Variants in SLC39A12 observed in about 807,000 individuals in gnomAD.
SLC39A12 encodes solute carrier family 39 member 12.
In SLC39A12, 63 loss-of-function variants were observed where a neutral mutation model predicts 71.1. The ratio of observed to expected loss-of-function variants is 0.89; its 90% CI spans 0.72 to 1.09. SLC39A12 has a LOEUF of 1.09. Among genes scored for constraint, SLC39A12 ranks in the 50% least tolerant of loss-of-function variants. The pLI is 0.00. For synonymous variants in SLC39A12, 351 were observed against 301.3 expected, an observed-to-expected ratio of 1.16 and a Z score of -1.71; for missense variants, 892 against 812.6, an observed-to-expected ratio of 1.10 and a Z score of -1.19.
intron 2 of SLC39A12, among the ~76,000 whole-genome samples, chr10:17,955,079 A>G (rs491995): frequency 0.65 from 99,577 of 152,064 alleles, 33,088 homozygotes; most frequent in East Asian, 0.77. Flanking sequence ...ATGTCCTCTG[A>G]GGATTCGCTT....
At chr10:17,968,199 A>G (rs1039661189) in intron 4 of SLC39A12, among the ~76,000 whole-genome samples, 11 of 151,308 alleles carry the variant, frequency 7.3e-5, no homozygotes, top group African/African-American at 1.2e-4. Flanking sequence ...AGTTTTGACT[A>G]TTTATTTCCA....
intron 4 of SLC39A12, among the ~76,000 whole-genome samples, chr10:17,972,616 C>T (rs1763860208): frequency 6.6e-6 from 1 of 152,032 alleles, no homozygotes; most frequent in Non-Finnish European, 1.5e-5. Context: ...CAGTCTTTGT[C>T]TTGAAATCTA....
intron 4 of SLC39A12, among the ~76,000 whole-genome samples, chr10:17,970,440 TTGG>T (rs1204545625): frequency 6.6e-6 from 1 of 152,188 alleles, no homozygotes; most frequent in African/African-American, 2.4e-5. Context: ...TTCCATTTTC[TTGG>T]TGTCTTCTTC....
chr10:18,016,803 A>G (rs944706315), intron 12 of SLC39A12, among the ~76,000 whole-genome samples: 3 of 152,216 alleles, frequency 2.0e-5, no homozygotes, highest in African/African-American at 4.8e-5. Flanking sequence ...ATAAAATGCT[A>G]AGCATCTTTT....
intron 6 of SLC39A12, among the ~76,000 whole-genome samples, chr10:17,985,787 A>G (rs1835382982): frequency 6.6e-6 from 1 of 151,470 alleles, no homozygotes; most frequent in Non-Finnish European, 1.5e-5. Flanking sequence ...TTCTCCCTTC[A>G]TATATATATA....
intron 10 of SLC39A12, among the ~76,000 whole-genome samples, chr10:17,997,307 A>G (rs1279330376): frequency 1.3e-5 from 2 of 152,206 alleles, no homozygotes; most frequent in Non-Finnish European, 2.9e-5. Context: ...CACCATTATA[A>G]CAACTACTGT....
intron 12 of SLC39A12, among the ~76,000 whole-genome samples, chr10:18,025,383 C>G (rs1272561431): frequency 6.6e-6 from 1 of 152,122 alleles, no homozygotes; most frequent in African/African-American, 2.4e-5. Flanking sequence ...TCCCTCCTCC[C>G]TCCCCCCACC....
At chr10:17,976,394 G>T (rs915977346) in intron 4 of SLC39A12, among the ~76,000 whole-genome samples, 2 of 152,140 alleles carry the variant, frequency 1.3e-5, no homozygotes, top group East Asian at 1.9e-4. Flanking sequence ...CTGCTTTCAA[G>T]ATTTTATCTT....
At chr10:17,995,846 T>G (rs1163574970) in intron 10 of SLC39A12, 124 bp downstream of exon 10, 5 of 755,888 alleles carry the variant, frequency 6.6e-6, no homozygotes, top group Non-Finnish European at 1.0e-5. Context: ...ATGAAAAACT[T>G]TGCAATAGGA....
chr10:18,042,056 G>T (rs1007395997), intron 12 of SLC39A12, among the ~76,000 whole-genome samples: 1 of 151,730 alleles, frequency 6.6e-6, no homozygotes, highest in Non-Finnish European at 1.5e-5. Flanking sequence ...TGTGCATATA[G>T]TAGTTCTATA....
chr10:17,994,554 T>G (rs540368228), intron 9 of SLC39A12, among the ~76,000 whole-genome samples: 1 of 152,354 alleles, frequency 6.6e-6, no homozygotes, highest in African/African-American at 2.4e-5. Flanking sequence ...ATCTGAATTC[T>G]GTATTTTCAC....
At chr10:17,983,133 C>T (rs1291840249) in intron 6 of SLC39A12, among the ~76,000 whole-genome samples, 1 of 143,030 alleles carries the variant, frequency 7.0e-6, no homozygotes, top group Non-Finnish European at 1.5e-5. Context: ...AGCACCACTG[C>T]ACTCCAGCCT....
At chr10:17,976,682 C>T (rs1178842252) in intron 4 of SLC39A12, among the ~76,000 whole-genome samples, 2 of 152,154 alleles carry the variant, frequency 1.3e-5, no homozygotes, top group Non-Finnish European at 2.9e-5. Context: ...GCCTTGGCCT[C>T]CCAAAGAGCT....
rs1479362606 is a variant in SLC39A12, at chr10:18,018,082, A to C, written c.1947+14724A>C. ...TTGTCAGAATTTTGTAGTTTTCCTC[A>C]TGTACGTCTTGTGCACATTTTGTTA... On this transcript the variant is annotated intron_variant, in intron 12 of 12. Coordinates refer to ENST00000377369, the MANE Select transcript of SLC39A12 (RefSeq NM_001145195.2). 2.6e-5 allele frequency among the ~76,000 whole-genome samples: 4 copies of C among 152,160 alleles called. No individual in the cohort carries two copies. The East Asian group carries it at 7.7e-4, about 29-fold the overall frequency.
intron 12 of SLC39A12, among the ~76,000 whole-genome samples, chr10:18,027,806 C>T (rs1034803581): frequency 6.6e-6 from 1 of 152,166 alleles, no homozygotes; most frequent in African/African-American, 2.4e-5. Context: ...GGCAATTGCT[C>T]ATTTGTAAGC....
chr10:17,989,656 C>T (rs181127963), intron 7 of SLC39A12, among the ~76,000 whole-genome samples: 197 of 152,170 alleles, frequency 1.3e-3, no homozygotes, highest in African/African-American at 4.5e-3. Flanking sequence ...CAGTGGTTCA[C>T]GCCTGTAATC....
chr10:17,990,117 T>C (rs763914172), intron 7 of SLC39A12, among the ~76,000 whole-genome samples: 7 of 152,196 alleles, frequency 4.6e-5, no homozygotes, highest in Non-Finnish European at 1.0e-4. Context: ...TTTTGAGATC[T>C]GGGGTTTTTC....
intron 12 of SLC39A12, among the ~76,000 whole-genome samples, chr10:18,031,012 G>A (rs1419180172): frequency 1.3e-5 from 2 of 151,502 alleles, no homozygotes; most frequent in East Asian, 3.9e-4. Context: ...ATTCCATGGT[G>A]TATATGTGCC....
intron 12 of SLC39A12, among the ~76,000 whole-genome samples, chr10:18,009,188 A>G (rs1044253244): frequency 3.3e-5 from 5 of 152,124 alleles, no homozygotes; most frequent in Non-Finnish European, 7.4e-5. Context: ...TTCCATAGCA[A>G]CAGGACTATA....
Sources: allele counts gnomAD v4.1 joint callset (sites outside exome capture counted in the v4.1 genomes callset), GRCh38; gene constraint gnomAD v4.1.1; transcripts MANE v1.5; gene names NCBI Gene and HGNC (gene_info 2026-07-23, HGNC 2026-07-21).